The following ADAMTS12 variants were observed in gnomAD, a reference collection of about 807,000 sequenced individuals.
ADAMTS12 encodes the protein A disintegrin and metalloproteinase with thrombospondin motifs 12.
ADAMTS12 carries 118 observed loss-of-function variants against 167.8 expected under a neutral mutation model. That is an observed-to-expected ratio of 0.70 (90% confidence interval 0.61 to 0.82). The LOEUF is 0.82. Ranked by LOEUF, ADAMTS12 falls within the 40% of genes least tolerant of loss-of-function variation. The pLI is 0.00. For missense variants in ADAMTS12, 1,916 were observed against 1,998.8 expected (o/e 0.96, Z 0.79); for synonymous variants, 704 against 716.9 (o/e 0.98, Z 0.29).
intron 2 of ADAMTS12, among the ~76,000 whole-genome samples, chr5:33,862,932 C>T (rs1019022226): frequency 8.6e-5 from 13 of 151,938 alleles, no homozygotes; most frequent in Non-Finnish European, 1.2e-4. Context: ...ACAGAACCAA[C>T]GACAAAAACC....
intron 3 of ADAMTS12, among the ~76,000 whole-genome samples, chr5:33,730,289 GGTGTGTGTGT>G (rs762232547): frequency 1.4e-4 from 20 of 144,262 alleles, no homozygotes; most frequent in African/African-American, 4.1e-4. Flanking sequence ...AGTCCATTAG[GGTGTGTGTGT>G]GTGTGTGTGT....
intron 19 of ADAMTS12, among the ~76,000 whole-genome samples, chr5:33,571,339 C>G (rs1023263180): frequency 8.1e-4 from 123 of 151,964 alleles, no homozygotes; most frequent in African/African-American, 1.9e-3. Context: ...TGACCACATA[C>G]TTGGAAGTAA....
intron 17 of ADAMTS12, among the ~76,000 whole-genome samples, chr5:33,589,485 A>G (rs1747531777): frequency 6.6e-6 from 1 of 152,190 alleles, no homozygotes; most frequent in Non-Finnish European, 1.5e-5. Context: ...AAATGAGTAG[A>G]AAAAGAATAA....
intron 14 of ADAMTS12, among the ~76,000 whole-genome samples, chr5:33,618,785 T>C (rs78606143): frequency 0.033 from 4,994 of 152,266 alleles, 281 homozygotes; most frequent in African/African-American, 0.11. Context: ...TGTTACAAGT[T>C]CTGTGAAGCC....
At chr5:33,705,094 T>C (rs1262442525) in intron 3 of ADAMTS12, among the ~76,000 whole-genome samples, 1 of 152,036 alleles carries the variant, frequency 6.6e-6, no homozygotes, top group Non-Finnish European at 1.5e-5. Context: ...GTCCATTGTA[T>C]GATTCATATG....
chr5:33,584,459 C>A (rs748832794), intron 18 of ADAMTS12, among the ~76,000 whole-genome samples: 3 of 152,108 alleles, frequency 2.0e-5, no homozygotes, highest in Admixed American at 1.3e-4. Context: ...AATGAATGAG[C>A]TCCCTGAGCT....
intron 9 of ADAMTS12, among the ~76,000 whole-genome samples, chr5:33,646,415 A>C (rs1211360836): frequency 6.6e-6 from 1 of 152,024 alleles, no homozygotes; most frequent in Non-Finnish European, 1.5e-5. Flanking sequence ...GAAGTTGGAG[A>C]CCTTCATATA....
intron 2 of ADAMTS12, among the ~76,000 whole-genome samples, chr5:33,801,189 G>A (rs1281385565): frequency 6.6e-6 from 1 of 152,108 alleles, no homozygotes; most frequent in Non-Finnish European, 1.5e-5. Flanking sequence ...AACCGATTTT[G>A]GACTTCTGGC....
intron 1 of ADAMTS12, among the ~76,000 whole-genome samples, chr5:33,885,287 T>C (rs921196401): frequency 3.3e-5 from 5 of 152,206 alleles, no homozygotes; most frequent in Admixed American, 3.3e-4. Flanking sequence ...GATATATTAA[T>C]ATATATGCAT....
In ADAMTS12 at chr5:33,643,427, C is replaced by T. The variant is rs759738672; in HGVS notation, c.1523G>A (p.Arg508His). ...TLWCSVKGFC[R>H]SKLDAAADGT... is the part of the protein sequence containing the mutation. ...ATCTGCAGCAGCGTCCAGCTTAGAG[C>T]GACAAAAGCCCTTCACGGAGCACCA... Residue 508 changes from arginine to histidine, a missense_variant, in exon 10 of 24, where the codon CGC (arginine) becomes CAC (histidine). Arg to His is a conservative substitution (Grantham distance 29). Coordinates refer to ENST00000504830, the MANE Select transcript of ADAMTS12 (RefSeq NM_030955.4). 1.2e-4 allele frequency: 194 copies of T among 1,614,002 alleles called. 1 individual carries two copies. The highest frequency in any genetic ancestry group is 3.8e-4 in the Admixed American group (23 of 60,000).
At chr5:33,587,785 G>A (rs528834985) in intron 18 of ADAMTS12, among the ~76,000 whole-genome samples, 12 of 152,302 alleles carry the variant, frequency 7.9e-5, no homozygotes, top group East Asian at 1.9e-4. Flanking sequence ...AAGGAAGCTC[G>A]TAAGATAAAG....
chr5:33,658,794 G>T (rs1741149766), intron 6 of ADAMTS12, among the ~76,000 whole-genome samples: 1 of 152,042 alleles, frequency 6.6e-6, no homozygotes, highest in Non-Finnish European at 1.5e-5. Context: ...AAAGATAGTT[G>T]GTCCCATCAA....
chr5:33,781,105 G>T (rs1056159693), intron 2 of ADAMTS12, among the ~76,000 whole-genome samples: 2 of 152,166 alleles, frequency 1.3e-5, no homozygotes, highest in African/African-American at 2.4e-5. Context: ...GTTCTTGGGG[G>T]ACATTTATTC....
intron 5 of ADAMTS12, among the ~76,000 whole-genome samples, chr5:33,665,970 A>C (rs1053134244): frequency 3.3e-5 from 5 of 152,222 alleles, no homozygotes; most frequent in African/African-American, 1.2e-4. Flanking sequence ...ATGACTTTGT[A>C]ACTTTACTTC....
At chr5:33,648,052 G>A (rs190391223) in intron 9 of ADAMTS12, among the ~76,000 whole-genome samples, 3 of 152,322 alleles carry the variant, frequency 2.0e-5, no homozygotes, top group East Asian at 1.9e-4. Flanking sequence ...GGGATTCAGC[G>A]AGACTTGCCT....
chr5:33,755,993 C>A (rs1280291426), intron 2 of ADAMTS12, among the ~76,000 whole-genome samples: 1 of 152,138 alleles, frequency 6.6e-6, no homozygotes, highest in Admixed American at 6.5e-5. Context: ...AATAGCACCC[C>A]AAAAATTCCT....
At chr5:33,785,220 T>C (rs1255374221) in intron 2 of ADAMTS12, among the ~76,000 whole-genome samples, 1 of 152,026 alleles carries the variant, frequency 6.6e-6, no homozygotes, top group Non-Finnish European at 1.5e-5. Context: ...ATTAGAACTA[T>C]GGGAGAAACT....
At chr5:33,745,471 G>A (rs1044854066) in intron 3 of ADAMTS12, among the ~76,000 whole-genome samples, 1 of 152,118 alleles carries the variant, frequency 6.6e-6, no homozygotes, top group Non-Finnish European at 1.5e-5. Flanking sequence ...TGTTCCAAAG[G>A]CACCCTCCCA....
chr5:33,704,239 A>G (rs1287147521), intron 3 of ADAMTS12, among the ~76,000 whole-genome samples: 1 of 152,146 alleles, frequency 6.6e-6, no homozygotes. Context: ...TTCTTTATCC[A>G]TTCATCTATT....
Sources: allele counts gnomAD v4.1 joint callset (sites outside exome capture counted in the v4.1 genomes callset), GRCh38; gene constraint gnomAD v4.1.1; transcripts MANE v1.5; gene names NCBI Gene and HGNC (gene_info 2026-07-23, HGNC 2026-07-21).